The following PTPRD variants were observed in gnomAD, a reference collection of about 807,000 sequenced individuals.
PTPRD encodes protein tyrosine phosphatase receptor type D.
PTPRD carries 34 observed loss-of-function variants against 214.5 expected under a neutral mutation model. The ratio of observed to expected loss-of-function variants is 0.16; its 90% CI spans 0.12 to 0.21. The LOEUF (loss-of-function observed/expected upper bound fraction) is 0.21. Among genes scored for constraint, PTPRD ranks in the 10% least tolerant of loss-of-function variants. PTPRD has a pLI of 1.00. For missense variants in PTPRD, 2,545 were observed against 2,398.7 expected (o/e 1.06, Z -1.27); for synonymous variants, 1,128 against 845.7 (o/e 1.33, Z -5.79).
chr9:8,864,947 C>G lies in PTPRD; in HGVS notation c.-103-131001G>C, dbSNP rs138382083. ...ATTAAAAACACAATAAAGAAAACAG[C>G]TTTGTACAAGCTAGTATTTTGGCCA... On this transcript the variant is annotated intron_variant, in intron 11 of 45. Coordinates refer to ENST00000381196, the MANE Select transcript of PTPRD (RefSeq NM_002839.4). Among the ~76,000 whole-genome samples, 981 of 152,274 alleles carry G rather than the reference C, an allele frequency of 6.4e-3. 14 individuals are homozygous for G. Among genetic ancestry groups the G allele is most frequent in the African/African-American group, 0.022 (932 of 41,568 alleles).
At chr9:9,732,127 C>A (rs987127190) in intron 7 of PTPRD, among the ~76,000 whole-genome samples, 1 of 151,892 alleles carries the variant, frequency 6.6e-6, no homozygotes. Flanking sequence ...AATGGGGATA[C>A]GAGCAGACAC....
chr9:8,430,898 T>A (rs942177), intron 35 of PTPRD, among the ~76,000 whole-genome samples: 69,547 of 151,986 alleles, frequency 0.46, 16,303 homozygotes, highest in Admixed American at 0.55. Context: ...TAAGATTACC[T>A]CCTTGGTGTA....
chr9:10,508,688 C>G (rs187887455), intron 2 of PTPRD, among the ~76,000 whole-genome samples: 3 of 151,960 alleles, frequency 2.0e-5, no homozygotes, highest in Admixed American at 6.6e-5. Context: ...AGCAAACTAT[C>G]GCAAGGACAA....
intron 7 of PTPRD, among the ~76,000 whole-genome samples, chr9:9,708,657 C>T (rs2097670642): frequency 6.6e-6 from 1 of 151,866 alleles, no homozygotes; most frequent in Non-Finnish European, 1.5e-5. Flanking sequence ...TTTACTTTTA[C>T]AGACATTAAA....
At chr9:9,252,454 C>G (rs2099975876) in intron 9 of PTPRD, among the ~76,000 whole-genome samples, 1 of 151,924 alleles carries the variant, frequency 6.6e-6, no homozygotes, top group African/African-American at 2.4e-5. Context: ...TTTATTTTAG[C>G]TGAAGATGGT....
At chr9:10,238,556 A>G (rs1392353838) in intron 3 of PTPRD, among the ~76,000 whole-genome samples, 9 of 151,890 alleles carry the variant, frequency 5.9e-5, no homozygotes, top group Admixed American at 5.3e-4. Context: ...ATTTGTCTCT[A>G]TATTTTGATG....
At chr9:9,352,335 G>A (rs1475696702) in intron 9 of PTPRD, among the ~76,000 whole-genome samples, 1 of 143,762 alleles carries the variant, frequency 7.0e-6, no homozygotes, top group African/African-American at 2.6e-5. Flanking sequence ...ATATGTGTGT[G>A]TGTGTGTGTG....
chr9:8,434,298 G>C (rs552385457), intron 35 of PTPRD, among the ~76,000 whole-genome samples: 2 of 152,266 alleles, frequency 1.3e-5, no homozygotes, highest in South Asian at 4.1e-4. Flanking sequence ...CTTTTTTACA[G>C]TATTTTTTAC....
At position 8,486,278 on chromosome 9, in the gene PTPRD, C is replaced by A. The variant is rs143787300; in HGVS notation, c.2539G>T (p.Val847Leu). ...NTALIQWHPPVDTFGPLQGYR... is the reference protein window; with the variant it reads ...NTALIQWHPPLDTFGPLQGYR... ...CCCTGAAGAGGTCCAAATGTGTCCA[C>A]CGGAGGGTGCCACTGAATAAGAGCA... The change falls in exon 28 of 46, where the codon GTG (valine) becomes TTG (leucine). Residue 847 changes from valine to leucine, a missense_variant. Physicochemically the swap from Val to Leu is conservative, Grantham distance 32. Coordinates refer to ENST00000381196, the MANE Select transcript of PTPRD (RefSeq NM_002839.4). 5.0e-5 allele frequency: 81 copies of A among 1,614,050 alleles called. No individual in the cohort carries two copies. Among genetic ancestry groups the A allele is most frequent in the Middle Eastern group, 1.6e-4 (1 of 6,084 alleles).
chr9:8,368,945 C>T lies in PTPRD; in HGVS notation c.4661+6991G>A, dbSNP rs534490598. Among the ~76,000 whole-genome samples, 9 of 152,228 alleles carry T rather than the reference C, an allele frequency of 5.9e-5. No homozygotes were observed. The South Asian group carries it at 1.9e-3, about 32-fold the overall frequency. On this transcript the variant is annotated intron_variant, in intron 39 of 45. Coordinates refer to ENST00000381196, the MANE Select transcript of PTPRD (RefSeq NM_002839.4). The stretch of plus-strand genomic sequence containing the variant: ...ATAAGGACATAATTTGTACACTCCA[C>T]CCATTCTTATCGAGATGTTGGCATT...
intron 11 of PTPRD, among the ~76,000 whole-genome samples, chr9:9,006,020 TATC>T (rs2099463404): frequency 6.6e-6 from 1 of 152,054 alleles, no homozygotes; most frequent in African/African-American, 2.4e-5. Context: ...TAAATTTTCT[TATC>T]ATAAATTAAA....
At chr9:10,450,966 A>G (rs2098837689) in intron 2 of PTPRD, among the ~76,000 whole-genome samples, 1 of 151,998 alleles carries the variant, frequency 6.6e-6, no homozygotes, top group African/African-American at 2.4e-5. Context: ...GTCAAAACCC[A>G]TATTGCTAGC....
At chr9:8,633,601 A>G (rs1007146711) in intron 13 of PTPRD, 143 bp from the exon 14 acceptor site, 6 of 932,702 alleles carry the variant, frequency 6.4e-6, no homozygotes, top group Non-Finnish European at 9.4e-6. Context: ...TATAGTGGTG[A>G]AAAAATATTT....
At chr9:9,617,219 C>A (rs937246470) in intron 7 of PTPRD, among the ~76,000 whole-genome samples, 25 of 151,900 alleles carry the variant, frequency 1.6e-4, no homozygotes, top group African/African-American at 5.8e-4. Flanking sequence ...AAAGAGGAAC[C>A]AGAATGGATA....
At chr9:9,836,475 T>G (rs756947689) in intron 5 of PTPRD, among the ~76,000 whole-genome samples, 2 of 152,110 alleles carry the variant, frequency 1.3e-5, no homozygotes, top group Non-Finnish European at 2.9e-5. Flanking sequence ...TCTTACCAAA[T>G]CTCGCCTGAC....
At position 8,983,259 on chromosome 9, in the gene PTPRD, T is replaced by C. The variant is rs7019477; in HGVS notation, c.-104+35438A>G. Among the ~76,000 whole-genome samples, 1,000 of 152,156 alleles carry C rather than the reference T, an allele frequency of 6.6e-3. 10 individuals carry two copies. Among genetic ancestry groups the C allele is most frequent in the African/African-American group, 0.023 (953 of 41,542 alleles). On this transcript the variant is annotated intron_variant, in intron 11 of 45. Transcript: ENST00000381196. ...TCATGAAAATTTCATTGAGTTATTC[T>C]AGCTTGAAGAGATACAGATGAAAAT...
chr9:9,495,499 G>C lies in PTPRD; in HGVS notation c.-237+79233C>G, dbSNP rs572263429. ...CTACAGCCCGCCCTGCCCCTATCCT[G>C]TGCCTATAAAGACCCCAGACTCAGT... On this transcript the variant is annotated intron_variant, in intron 8 of 45. Transcript: ENST00000381196. 1.5e-3 allele frequency among the ~76,000 whole-genome samples: 231 copies of C among 152,048 alleles called. 1 individual carries two copies. The highest frequency in any genetic ancestry group is 4.8e-3 in the African/African-American group (200 of 41,494).
rs922329774 is a variant in PTPRD at position 8,392,462 on chromosome 9, G to T, written c.4211-3055C>A. On this transcript the variant is annotated intron_variant, in intron 36 of 45. Transcript: ENST00000381196. ...GATCATTTGAGTCCAGGAAGTCAAG[G>T]CTGCAGTGAGCCATAATTGCACCAC... 2.0e-5 allele frequency among the ~76,000 whole-genome samples: 3 copies of T among 152,058 alleles called. No individual in the cohort carries two copies. In the East Asian group the frequency reaches 5.8e-4, roughly 29 times the overall value.
chr9:9,857,034 GC>G (rs1462457841), intron 5 of PTPRD, among the ~76,000 whole-genome samples: 1 of 152,128 alleles, frequency 6.6e-6, no homozygotes, highest in Non-Finnish European at 1.5e-5. Flanking sequence ...TTGGAAGTAG[GC>G]ACTTTGGTTA....
Sources: gnomAD v4.1 joint callset for allele counts (sites outside exome capture counted in the v4.1 genomes callset) on GRCh38, gnomAD v4.1.1 for gene constraint, MANE v1.5 for transcripts, NCBI Gene and HGNC (gene_info 2026-07-23, HGNC 2026-07-21) for gene names.